Variants in AP4S1 observed in about 807,000 individuals in gnomAD.
AP4S1 encodes AP-4 complex subunit sigma-1.
A neutral mutation model predicts 19.8 loss-of-function variants in AP4S1; 23 were observed. The ratio of observed to expected loss-of-function variants is 1.16; its 90% confidence interval spans 0.84 to 1.65. The LOEUF (loss-of-function observed/expected upper bound fraction) is 1.65, where lower values mean the gene tolerates loss of function less well. Among genes scored for constraint, AP4S1 ranks in the 40% most tolerant of loss-of-function variants. AP4S1 has a pLI of 0.00. For missense variants in AP4S1, 166 were observed against 172.8 expected (o/e 0.96, Z 0.22); for synonymous variants, 46 against 54.1 (o/e 0.85, Z 0.66).
chr14:31,026,411 G>A (rs966261994), intron 1 of AP4S1: 32 of 439,120 alleles, frequency 7.3e-5, no homozygotes. Flanking sequence ...TAGGGGAAGG[G>A]GGGGCCTCGG....
chr14:31,065,956 G>A (rs563434734), intron 1 of AP4S1, among the ~76,000 whole-genome samples, 170 bp from the exon 2 acceptor site: 83 of 152,170 alleles, frequency 5.5e-4, no homozygotes, highest in African/African-American at 1.7e-3. Context: ...CACCACACCC[G>A]GCCTGGTTTT....
At chr14:31,073,229 G>T in intron 4 of AP4S1, 2 of 391,824 alleles carry the variant, frequency 5.1e-6, no homozygotes, top group Non-Finnish European at 9.6e-6. Context: ...GATGGCTCAC[G>T]CCTGTAATCC....
Position 31,093,088 on chromosome 14 carries a change from A to T in AP4S1, c.*53A>T. 6.6e-7 allele frequency: 1 copy of T among 1,519,012 alleles called. No individual in the cohort carries two copies. The highest frequency in any genetic ancestry group is 2.5e-5 in the East Asian group (1 of 39,948). The allele number at this position is 1,519,012 out of a possible 1,614,324, so 94.1% of individuals were successfully genotyped here. ...TTTATCAGAAATGCGAGTACCGTGG[A>T]ATACATCTCAACATGTTAACCCAGA... On this transcript the variant is annotated 3_prime_UTR_variant, in exon 6 of 6. Coordinates refer to ENST00000542754, the MANE Select transcript of AP4S1 (RefSeq NM_001128126.3).
intron 1 of AP4S1, among the ~76,000 whole-genome samples, chr14:31,031,993 C>T (rs912501108): frequency 6.0e-5 from 9 of 149,544 alleles, no homozygotes; most frequent in Non-Finnish European, 8.9e-5. Flanking sequence ...GCTATTTGAG[C>T]GCGGGAGGTT....
intron 1 of AP4S1, among the ~76,000 whole-genome samples, chr14:31,048,332 C>T (rs1171237558): frequency 2.0e-5 from 3 of 151,810 alleles, no homozygotes; most frequent in Non-Finnish European, 2.9e-5. Flanking sequence ...GAAATCCTGA[C>T]GTCAGGTGAT....
chr14:31,037,072 A>G (rs1884822054), intron 1 of AP4S1, among the ~76,000 whole-genome samples: 1 of 152,056 alleles, frequency 6.6e-6, no homozygotes, highest in Non-Finnish European at 1.5e-5. Context: ...TCGGCCTCCG[A>G]AAGTGCTGGG....
chr14:31,043,135 C>T (rs960556272), intron 1 of AP4S1, among the ~76,000 whole-genome samples: 26 of 151,714 alleles, frequency 1.7e-4, no homozygotes, highest in African/African-American at 5.3e-4. Flanking sequence ...GCGGGAGAAT[C>T]GCTTGAACTC....
intron 1 of AP4S1, among the ~76,000 whole-genome samples, chr14:31,050,727 T>C (rs1885742167): frequency 6.6e-6 from 1 of 152,210 alleles, no homozygotes; most frequent in Non-Finnish European, 1.5e-5. Context: ...CAAATTAACA[T>C]GGATAGCATT....
rs1170674488 is a variant in AP4S1, at chr14:31,095,364, T to C, written c.*2329T>C. 1.3e-5 allele frequency: 2 copies of C among 152,224 alleles called. No homozygotes were observed. Among genetic ancestry groups the C allele is most frequent in the Non-Finnish European group, 2.9e-5 (2 of 68,044 alleles). 9.4% of individuals were successfully genotyped at this position (152,224 alleles called of 1,614,324 possible). ...TATAGAGAACATTACTTTCAAATAA[T>C]GGATGGTCAGACATTAAGACAGCCC... On this transcript the variant is annotated 3_prime_UTR_variant, in exon 6 of 6. Coordinates refer to ENST00000542754, the MANE Select transcript of AP4S1 (RefSeq NM_001128126.3).
At position 31,025,806 on chromosome 14, in the gene AP4S1, C is replaced by T; in HGVS notation, c.-72+19C>T. ...AGCACAGGTAGGTTCCGCTCGGCCTCCCAAGGCGCCGGCTCCGGCTGAGTG... is the reference window on the plus strand; with the variant it reads ...AGCACAGGTAGGTTCCGCTCGGCCTTCCAAGGCGCCGGCTCCGGCTGAGTG... On this transcript the variant is annotated intron_variant, in intron 1 of 5. Transcript: ENST00000542754. 6.6e-7 allele frequency: 1 copy of T among 1,507,728 alleles called. No homozygotes were observed. The allele number at this position is 1,507,728 out of a possible 1,614,324, so 93.4% of individuals were successfully genotyped here.
At chr14:31,053,749 A>G (rs1338512263) in intron 1 of AP4S1, among the ~76,000 whole-genome samples, 2 of 151,708 alleles carry the variant, frequency 1.3e-5, no homozygotes, top group African/African-American at 2.4e-5. Context: ...GTAACCTTTT[A>G]TAGGATCCAG....
intron 2 of AP4S1, among the ~76,000 whole-genome samples, chr14:31,066,946 A>G (rs897993952): frequency 6.6e-6 from 1 of 152,206 alleles, no homozygotes; most frequent in South Asian, 2.1e-4. Context: ...TCCAAAATGG[A>G]GGTTAAGGCT....
intron 1 of AP4S1, among the ~76,000 whole-genome samples, chr14:31,051,745 C>A (rs1483957532): frequency 6.6e-6 from 1 of 152,164 alleles, no homozygotes; most frequent in Non-Finnish European, 1.5e-5. Context: ...ACTGTAACTT[C>A]CCCCTCCCGG....
chr14:31,055,893 G>A (rs549416071), intron 1 of AP4S1, among the ~76,000 whole-genome samples: 2 of 151,446 alleles, frequency 1.3e-5, no homozygotes, highest in South Asian at 4.2e-4. Context: ...ACCCAGGCTG[G>A]AGTGCAGTGG....
At chr14:31,063,247 A>G (rs764563589) in intron 1 of AP4S1, among the ~76,000 whole-genome samples, 3 of 152,144 alleles carry the variant, frequency 2.0e-5, no homozygotes, top group African/African-American at 7.2e-5. Flanking sequence ...CCTGGACAAC[A>G]TGGTGAAACC....
intron 4 of AP4S1, among the ~76,000 whole-genome samples, chr14:31,076,840 A>C (rs138442059): frequency 6.6e-6 from 1 of 152,244 alleles, no homozygotes; most frequent in Non-Finnish European, 1.5e-5. Flanking sequence ...TTTAAAAAAG[A>C]ATCAGTAAAG....
chr14:31,075,919 A>G lies in AP4S1; in HGVS notation c.294+2946A>G, dbSNP rs145587626. ...CATGCCCAGCTAATTTTGTATTTTTAGTAGAGACGGGGTTTCTCCATGTTG... is the reference window on the plus strand; with the variant it reads ...CATGCCCAGCTAATTTTGTATTTTTGGTAGAGACGGGGTTTCTCCATGTTG... On this transcript the variant is annotated intron_variant, in intron 4 of 5. Transcript: ENST00000542754. 2.9e-4 allele frequency among the ~76,000 whole-genome samples: 44 copies of G among 152,018 alleles called. 2 individuals are homozygous for G. Among genetic ancestry groups the G allele is most frequent in the African/African-American group, 1.0e-3 (42 of 41,472 alleles).
In AP4S1 at chr14:31,050,349, C is replaced by T. The variant is rs190092867; in HGVS notation, c.-71-15777C>T. On this transcript the variant is annotated intron_variant, in intron 1 of 5. Transcript: ENST00000542754. ...TGCTGGGATTATAGGCGTGAGCCACCGTGCCCGGCCTATTTGTTTATTTTT... is the reference window on the plus strand; with the variant it reads ...TGCTGGGATTATAGGCGTGAGCCACTGTGCCCGGCCTATTTGTTTATTTTT... Among the ~76,000 whole-genome samples the T allele has an allele frequency of 4.7e-3, 717 of 152,164 alleles. 1 individual carries two copies. The highest frequency in any genetic ancestry group is 6.6e-3 in the Non-Finnish European group (449 of 68,002).
intron 1 of AP4S1, among the ~76,000 whole-genome samples, chr14:31,051,625 A>ATG: frequency 6.6e-6 from 1 of 152,338 alleles, no homozygotes; most frequent in African/African-American, 2.4e-5. Flanking sequence ...TTATTTATAT[A>ATG]CATTTCCCCA....
Sources: allele counts gnomAD v4.1 joint callset (sites outside exome capture counted in the v4.1 genomes callset), GRCh38; gene constraint gnomAD v4.1.1; transcripts MANE v1.5; gene names NCBI Gene and HGNC (gene_info 2026-07-23, HGNC 2026-07-21).